The following LRRN3 variants were observed in gnomAD, a reference collection of about 807,000 sequenced individuals.
LRRN3 encodes the protein leucine-rich repeat neuronal protein 3.
LRRN3 carries 15 observed loss-of-function variants against 40.1 expected under a neutral mutation model. The ratio of observed to expected loss-of-function variants is 0.37; its 90% CI spans 0.25 to 0.58. The LOEUF (loss-of-function observed/expected upper bound fraction) is 0.58. LRRN3 is among the 20% of genes least tolerant of loss of function. LRRN3 has a pLI of 0.72. For synonymous variants in LRRN3, 308 were observed against 297.2 expected, an observed-to-expected ratio of 1.04 and a Z score of -0.37; for missense variants, 746 against 837.7, an observed-to-expected ratio of 0.89 and a Z score of 1.35.
intron 2 of LRRN3, among the ~76,000 whole-genome samples, chr7:111,106,106 A>G (rs968017889): frequency 2.0e-5 from 3 of 151,998 alleles, no homozygotes; most frequent in Admixed American, 6.6e-5. Context: ...AGGACCTTAG[A>G]ACATATAATA....
At chr7:111,113,798 T>C (rs1408499107) in intron 2 of LRRN3, among the ~76,000 whole-genome samples, 1 of 152,118 alleles carries the variant, frequency 6.6e-6, no homozygotes, top group Admixed American at 6.5e-5. Flanking sequence ...CCAAATCTAG[T>C]TGGAAATTCC....
chr7:111,092,802 C>T (rs1394536698), intron 1 of LRRN3, among the ~76,000 whole-genome samples: 2 of 152,182 alleles, frequency 1.3e-5, no homozygotes, highest in African/African-American at 4.8e-5. Context: ...GCCCTCTTTA[C>T]TGGGTCCTGG....
In LRRN3 at chr7:111,104,922, G is replaced by T. The variant is rs184735759; in HGVS notation, c.-359+4960G>T. On this transcript the variant is annotated intron_variant, in intron 2 of 2. Coordinates refer to ENST00000308478, the MANE Select transcript of LRRN3 (RefSeq NM_001099658.2). The stretch of plus-strand genomic sequence containing the variant: ...AGGGGACAGTCTCTCACACAAAAGA[G>T]GAAGAAAAACAAAAAGAAGAGATGG... Among the ~76,000 whole-genome samples the T allele has an allele frequency of 5.3e-5, 8 of 151,666 alleles. No individual in the cohort carries two copies. The East Asian group carries it at 1.6e-3, about 29-fold the overall frequency.
At position 111,122,510 on chromosome 7, in the gene LRRN3, T is replaced by TGGACATAGTATGTCTCCTATGG; in HGVS notation, c.-263_-262insGGACATAGTATGTCTCCTATGG. 3 of 432,560 alleles carry TGGACATAGTATGTCTCCTATGG rather than the reference T, an allele frequency of 6.9e-6. No homozygotes were observed. The Admixed American group carries it at 1.2e-4, about 17-fold the overall frequency. 26.8% of individuals were successfully genotyped at this position (432,560 alleles called of 1,614,324 possible). The stretch of plus-strand genomic sequence containing the variant: ...TTACTCAATCTCCTATGACCATCTA[T>TGGACATAGTATGTCTCCTATGG]ACATACTCCACCTTCAAAAAGTACA... On this transcript the variant is annotated 5_prime_UTR_variant, in exon 3 of 3. The change creates a new upstream start codon in the 5' untranslated region. Transcript: ENST00000308478.
In LRRN3 at chr7:111,124,317, A is replaced by G. The variant is rs1216619259; in HGVS notation, c.1545A>G (p.Gly515=). 2.5e-6 allele frequency: 4 copies of G among 1,613,806 alleles called. No individual in the cohort carries two copies. The highest frequency in any genetic ancestry group is 3.4e-6 in the Non-Finnish European group (4 of 1,179,884). ...DLKSVMIKVD[G]SFPQDNNGSL... is the part of the protein sequence containing the mutation. ...AGTCTGTTATGATCAAAGTGGATGGATCTTTTCCACAAGATAACAATGGCT... is the reference window on the plus strand; with the variant it reads ...AGTCTGTTATGATCAAAGTGGATGGGTCTTTTCCACAAGATAACAATGGCT... Residue 515 remains glycine, a synonymous_variant, in exon 3 of 3, where the codon GGA becomes GGG. Transcript: ENST00000308478.
At chr7:111,097,753 G>A (rs1797556383) in intron 1 of LRRN3, among the ~76,000 whole-genome samples, 1 of 151,786 alleles carries the variant, frequency 6.6e-6, no homozygotes, top group East Asian at 1.9e-4. Flanking sequence ...CAGTCACTCA[G>A]AAATACCAAA....
At chr7:111,118,298 ATAAAGAAGC>A (rs1476908641) in intron 2 of LRRN3, among the ~76,000 whole-genome samples, 1 of 152,180 alleles carries the variant, frequency 6.6e-6, no homozygotes, top group Non-Finnish European at 1.5e-5. Flanking sequence ...TGAAAAACAG[ATAAAGAAGC>A]TAAAGAATAA....
intron 2 of LRRN3, among the ~76,000 whole-genome samples, chr7:111,121,744 G>C (rs1800650815): frequency 6.6e-6 from 1 of 151,992 alleles, no homozygotes; most frequent in Non-Finnish European, 1.5e-5. Flanking sequence ...ATACCCAAAG[G>C]ACTAAAACAT....
In LRRN3 at chr7:111,124,411, A is replaced by C; in HGVS notation, c.1639A>C (p.Ile547Leu). ...VLVSWKASSK[I>L]LKSSVKWTAF... is the part of the protein sequence containing the mutation. ...GGTGTCCTGGAAAGCAAGTTCTAAA[A>C]TTCTCAAATCTAGTGTTAAATGGAC... Residue 547 changes from isoleucine (I) to leucine (L), a missense_variant, in exon 3 of 3, where the codon ATT becomes CTT. Physicochemically the swap from Ile to Leu is conservative, Grantham distance 5. Coordinates refer to ENST00000308478, the MANE Select transcript of LRRN3 (RefSeq NM_001099658.2). 6.2e-7 allele frequency: 1 copy of C among 1,613,806 alleles called. No individual in the cohort carries two copies. The highest frequency in any genetic ancestry group is 8.5e-7 in the Non-Finnish European group (1 of 1,179,954).
At chr7:111,114,014 C>A (rs1310752234) in intron 2 of LRRN3, among the ~76,000 whole-genome samples, 2 of 152,058 alleles carry the variant, frequency 1.3e-5, no homozygotes, top group Non-Finnish European at 2.9e-5. Flanking sequence ...CTCTAAATAT[C>A]TATTGATAGA....
chr7:111,099,845 G>C (rs753834253), intron 1 of LRRN3, 36 bp from the exon 2 acceptor site: 6 of 151,512 alleles, frequency 4.0e-5, no homozygotes, highest in Non-Finnish European at 7.4e-5. Flanking sequence ...TAAACTTTTG[G>C]GGTTTTTTTC....
intron 1 of LRRN3, 119 bp downstream of exon 1, chr7:111,091,623 T>C (rs571452024): frequency 6.6e-6 from 1 of 152,316 alleles, no homozygotes; most frequent in South Asian, 2.1e-4. Flanking sequence ...TCTAAGAGCA[T>C]TTTTCTTTTA....
chr7:111,101,524 C>T (rs1430658465), intron 2 of LRRN3, among the ~76,000 whole-genome samples: 1 of 151,154 alleles, frequency 6.6e-6, no homozygotes, highest in Non-Finnish European at 1.5e-5. Flanking sequence ...CACTGTCTAC[C>T]ATTTTTGTTG....
At chr7:111,118,026 G>A (rs1800103014) in intron 2 of LRRN3, among the ~76,000 whole-genome samples, 1 of 152,052 alleles carries the variant, frequency 6.6e-6, no homozygotes, top group African/African-American at 2.4e-5. Context: ...TTTTTCATAA[G>A]TATCACAAAA....
intron 2 of LRRN3, among the ~76,000 whole-genome samples, chr7:111,109,867 G>A (rs559020202): frequency 6.6e-6 from 1 of 152,310 alleles, no homozygotes; most frequent in African/African-American, 2.4e-5. Context: ...TGGGCGCGGT[G>A]GCTCATGCCT....
chr7:111,107,369 A>T (rs1324740426), intron 2 of LRRN3, among the ~76,000 whole-genome samples: 1 of 152,084 alleles, frequency 6.6e-6, no homozygotes, highest in Admixed American at 6.6e-5. Flanking sequence ...TGTTGTAAAC[A>T]GTTTAGATTC....
intron 2 of LRRN3, among the ~76,000 whole-genome samples, chr7:111,119,471 T>A (rs181918414): frequency 6.6e-6 from 1 of 152,196 alleles, no homozygotes; most frequent in Non-Finnish European, 1.5e-5. Flanking sequence ...ACTGGATAAA[T>A]TGAAGAATAA....
intron 1 of LRRN3, among the ~76,000 whole-genome samples, chr7:111,096,507 T>TA (rs1797410168): frequency 6.5e-4 from 28 of 43,092 alleles, no homozygotes; most frequent in Non-Finnish European, 1.5e-3. Flanking sequence ...TGAGTTAAAT[T>TA]TAAAAAAAAA....
At chr7:111,111,942 G>GTTTTTTTTTTTTTTTT (rs748410980) in intron 2 of LRRN3, among the ~76,000 whole-genome samples, 2 of 84,110 alleles carry the variant, frequency 2.4e-5, no homozygotes, top group Admixed American at 1.5e-4. Context: ...TATATAGTTT[G>GTTTTTTTTTTTTTTTT]TTTTTTTTTT....
Sources: allele counts gnomAD v4.1 joint callset (sites outside exome capture counted in the v4.1 genomes callset), GRCh38; gene constraint gnomAD v4.1.1; transcripts MANE v1.5; gene names NCBI Gene and HGNC (gene_info 2026-07-23, HGNC 2026-07-21).